ADGRB3: variants seen among roughly 807,000 people sequenced by gnomAD.
ADGRB3 encodes adhesion G protein-coupled receptor B3, also known as brain-specific angiogenesis inhibitor 3.
A neutral mutation model predicts 193.4 loss-of-function variants in ADGRB3; 37 were observed. The ratio of observed to expected loss-of-function variants is 0.19; its 90% confidence interval spans 0.15 to 0.25. The LOEUF (loss-of-function observed/expected upper bound fraction) is 0.25. Among genes scored for constraint, ADGRB3 ranks in the 10% least tolerant of loss-of-function variants. ADGRB3 has a pLI of 1.00. For synonymous variants in ADGRB3, 690 were observed against 644.2 expected (o/e 1.07, Z -1.08); for missense variants, 1,637 against 1,852.9 (o/e 0.88, Z 2.14).
intron 20 of ADGRB3, among the ~76,000 whole-genome samples, chr6:69,283,607 C>T (rs1315698745): frequency 6.6e-6 from 1 of 151,450 alleles, no homozygotes; most frequent in East Asian, 1.9e-4. Context: ...GTTTTTTCCT[C>T]TCATGAAAAA....
At chr6:68,942,127 A>C (rs1434149776) in intron 5 of ADGRB3, among the ~76,000 whole-genome samples, 2 of 152,104 alleles carry the variant, frequency 1.3e-5, no homozygotes, top group Non-Finnish European at 2.9e-5. Context: ...ATATTTAAAC[A>C]TCCTATCACA....
At chr6:68,849,267 G>A (rs1768349535) in intron 3 of ADGRB3, among the ~76,000 whole-genome samples, 1 of 151,694 alleles carries the variant, frequency 6.6e-6, no homozygotes, top group African/African-American at 2.4e-5. Context: ...CTGCTTGAAG[G>A]GTTTGCAGTA....
intron 17 of ADGRB3, among the ~76,000 whole-genome samples, chr6:69,159,216 T>G (rs975155931): frequency 2.6e-5 from 4 of 152,072 alleles, no homozygotes; most frequent in Non-Finnish European, 4.4e-5. Context: ...TAATCTACTT[T>G]TATGTTTCAC....
chr6:69,178,507 T>C (rs1775493545), intron 17 of ADGRB3, among the ~76,000 whole-genome samples: 1 of 152,238 alleles, frequency 6.6e-6, no homozygotes, highest in South Asian at 2.1e-4. Context: ...ATGAACTTGT[T>C]AGCTGTTTGC....
At chr6:68,863,558 A>C (rs886570691) in intron 3 of ADGRB3, among the ~76,000 whole-genome samples, 2 of 152,116 alleles carry the variant, frequency 1.3e-5, no homozygotes, top group Non-Finnish European at 2.9e-5. Flanking sequence ...TTTTTAAATG[A>C]TATCCAATCA....
intron 3 of ADGRB3, among the ~76,000 whole-genome samples, chr6:68,696,410 C>T (rs1765158783): frequency 6.6e-6 from 1 of 150,682 alleles, no homozygotes; most frequent in Admixed American, 6.6e-5. Context: ...TTGACATTTG[C>T]CACTTTTCTT....
chr6:69,172,643 CAAAAAAA>C (rs70987454), intron 17 of ADGRB3, among the ~76,000 whole-genome samples: 6 of 26,834 alleles, frequency 2.2e-4, no homozygotes, highest in African/African-American at 4.8e-4. Flanking sequence ...GACTCTGTCT[CAAAAAAA>C]AAAAAAAAAA....
chr6:68,922,951 C>T (rs899752364), intron 3 of ADGRB3, among the ~76,000 whole-genome samples: 6 of 151,958 alleles, frequency 3.9e-5, no homozygotes, highest in Non-Finnish European at 5.9e-5. Flanking sequence ...GGAATTTTTA[C>T]GTAGTAGAAA....
intron 3 of ADGRB3, among the ~76,000 whole-genome samples, chr6:68,893,542 T>G (rs74746400): frequency 2.0e-5 from 3 of 151,308 alleles, no homozygotes; most frequent in Admixed American, 6.6e-5. Flanking sequence ...TTTTTTTTTT[T>G]CCTTCAGTGT....
chr6:68,853,466 G>C (rs925955039), intron 3 of ADGRB3, among the ~76,000 whole-genome samples: 1 of 151,432 alleles, frequency 6.6e-6, no homozygotes, highest in African/African-American at 2.4e-5. Context: ...GTAAAAACAG[G>C]TTTTCATTAC....
intron 3 of ADGRB3, among the ~76,000 whole-genome samples, chr6:68,821,736 A>G (rs558823011): frequency 2.1e-3 from 322 of 151,940 alleles, no homozygotes; most frequent in Non-Finnish European, 3.1e-3. Context: ...GCAAAGCTGC[A>G]TTGTTCTATT....
At chr6:69,124,092 A>ATTT (rs11430097) in intron 17 of ADGRB3, among the ~76,000 whole-genome samples, 3 of 150,636 alleles carry the variant, frequency 2.0e-5, no homozygotes, top group Non-Finnish European at 4.4e-5. Flanking sequence ...ATGACTCTGA[A>ATTT]TTTTTTTTTT....
At chr6:68,703,618 A>AT (rs1376391210) in intron 3 of ADGRB3, among the ~76,000 whole-genome samples, 2 of 151,892 alleles carry the variant, frequency 1.3e-5, no homozygotes, top group Admixed American at 6.6e-5. Flanking sequence ...ATTCATTAAG[A>AT]TTTTTTTTGT....
chr6:69,089,662 C>T (rs1451271632), intron 17 of ADGRB3, among the ~76,000 whole-genome samples: 1 of 152,164 alleles, frequency 6.6e-6, no homozygotes, highest in Non-Finnish European at 1.5e-5. Flanking sequence ...TTTAATTTAT[C>T]TTTGTAGGAT....
At chr6:68,753,343 T>G (rs1434242968) in intron 3 of ADGRB3, among the ~76,000 whole-genome samples, 1 of 152,172 alleles carries the variant, frequency 6.6e-6, no homozygotes, top group East Asian at 1.9e-4. Context: ...GAGGAAATTA[T>G]CTAAGTCTCT....
At chr6:68,654,108 A>C (rs1429430417) in intron 3 of ADGRB3, among the ~76,000 whole-genome samples, 1 of 152,102 alleles carries the variant, frequency 6.6e-6, no homozygotes, top group Admixed American at 6.6e-5. Context: ...GCACTGCTTC[A>C]TTAATCTTAA....
intron 20 of ADGRB3, among the ~76,000 whole-genome samples, chr6:69,266,201 A>C (rs1417931501): frequency 6.6e-6 from 1 of 152,020 alleles, no homozygotes; most frequent in Non-Finnish European, 1.5e-5. Context: ...TTAATAATTA[A>C]AGGTAATAAT....
At chr6:68,671,815 G>T (rs755451221) in intron 3 of ADGRB3, among the ~76,000 whole-genome samples, 16 of 151,900 alleles carry the variant, frequency 1.1e-4, no homozygotes, top group Non-Finnish European at 1.9e-4. Context: ...CTCCTCTCTT[G>T]TTCAGAATAG....
At chr6:69,176,246 A>G (rs1775419769) in intron 17 of ADGRB3, among the ~76,000 whole-genome samples, 1 of 152,174 alleles carries the variant, frequency 6.6e-6, no homozygotes, top group African/African-American at 2.4e-5. Context: ...TACATTCTGC[A>G]CATTCAGTAT....
Sources: allele counts gnomAD v4.1 joint callset (sites outside exome capture counted in the v4.1 genomes callset), GRCh38; gene constraint gnomAD v4.1.1; transcripts MANE v1.5; gene names NCBI Gene and HGNC (gene_info 2026-07-23, HGNC 2026-07-21).